GRID2: variants seen among roughly 807,000 people sequenced by gnomAD.
The protein encoded by GRID2 is glutamate receptor ionotropic, delta-2.
In GRID2, 33 loss-of-function variants were observed where a neutral mutation model predicts 114.8. The ratio of observed to expected loss-of-function variants is 0.29; its 90% CI spans 0.22 to 0.38. The LOEUF is 0.38. Ranked by LOEUF, GRID2 falls within the 10% of genes least tolerant of loss-of-function variation. The pLI, the probability that GRID2 is intolerant of heterozygous loss-of-function variation, is 1.00. For synonymous variants in GRID2, 505 were observed against 449.9 expected, an observed-to-expected ratio of 1.12 and a Z score of -1.55; for missense variants, 1,184 against 1,257.7, an observed-to-expected ratio of 0.94 and a Z score of 0.89.
intron 2 of GRID2, among the ~76,000 whole-genome samples, chr4:92,997,224 C>T (rs1158353701): frequency 2.0e-5 from 3 of 152,094 alleles, no homozygotes; most frequent in Admixed American, 2.0e-4. Context: ...TGTGAAAGAG[C>T]TAGTGTGTTA....
intron 1 of GRID2, among the ~76,000 whole-genome samples, chr4:92,512,125 T>G (rs2149132478): frequency 6.6e-6 from 1 of 151,992 alleles, no homozygotes; most frequent in East Asian, 1.9e-4. Context: ...TCATGTAGTA[T>G]TTGTCCTTTG....
intron 2 of GRID2, among the ~76,000 whole-genome samples, chr4:92,803,603 G>T (rs1456929871): frequency 6.6e-6 from 1 of 151,804 alleles, no homozygotes; most frequent in Non-Finnish European, 1.5e-5. Context: ...TTTTCTGTGT[G>T]TTTATAGAAT....
In GRID2 at chr4:93,472,689, T is replaced by G. The variant is rs28505855; in HGVS notation, c.1858+16715T>G. Among the ~76,000 whole-genome samples, 174 of 152,156 alleles carry G rather than the reference T, an allele frequency of 1.1e-3. 1 individual carries two copies. Among genetic ancestry groups the G allele is most frequent in the Admixed American group, 1.8e-3 (28 of 15,272 alleles). On this transcript the variant is annotated intron_variant, in intron 11 of 15. Transcript: ENST00000282020. Reference sequence around the variant, plus strand: ...CTAGAGAAAATGTTAGGGGCCAGATTGCAGACATGCTCAGGTAGAACACAA... The same window carrying G: ...CTAGAGAAAATGTTAGGGGCCAGATGGCAGACATGCTCAGGTAGAACACAA...
intron 4 of GRID2, among the ~76,000 whole-genome samples, chr4:93,200,022 T>G (rs954202054): frequency 1.3e-5 from 2 of 152,178 alleles, no homozygotes; most frequent in African/African-American, 4.8e-5. Flanking sequence ...GGTTGGTGTT[T>G]GTTTGTTTAG....
intron 1 of GRID2, among the ~76,000 whole-genome samples, chr4:92,355,879 C>T (rs1276180302): frequency 6.6e-6 from 1 of 151,652 alleles, no homozygotes; most frequent in East Asian, 1.9e-4. Flanking sequence ...CTCATTCAGC[C>T]CTATAGCCAT....
At chr4:92,825,234 A>C (rs1741604841) in intron 2 of GRID2, among the ~76,000 whole-genome samples, 1 of 152,102 alleles carries the variant, frequency 6.6e-6, no homozygotes, top group Non-Finnish European at 1.5e-5. Context: ...AATTACAATA[A>C]AAAATCATCC....
intron 2 of GRID2, among the ~76,000 whole-genome samples, chr4:93,030,538 C>G (rs1001123724): frequency 6.6e-6 from 1 of 152,052 alleles, no homozygotes; most frequent in Non-Finnish European, 1.5e-5. Context: ...GCATGCACCA[C>G]CACGCCCAGC....
chr4:92,843,506 A>G (rs1436259855), intron 2 of GRID2, among the ~76,000 whole-genome samples: 1 of 152,160 alleles, frequency 6.6e-6, no homozygotes, highest in Non-Finnish European at 1.5e-5. Flanking sequence ...AAATGGTAAT[A>G]TTAAATTATA....
In GRID2 at chr4:93,684,674, A is replaced by G. The variant is rs533210143; in HGVS notation, c.2360+58239A>G. On this transcript the variant is annotated intron_variant, in intron 14 of 15. Coordinates refer to ENST00000282020, the MANE Select transcript of GRID2 (RefSeq NM_001510.4). Reference sequence around the variant, plus strand: ...AGGGGATGCTGGCTAAACCAGCCTTACAGGATTCTTGCCACAAACAGGCCA... The same window carrying G: ...AGGGGATGCTGGCTAAACCAGCCTTGCAGGATTCTTGCCACAAACAGGCCA... 2.6e-5 allele frequency among the ~76,000 whole-genome samples: 4 copies of G among 152,196 alleles called. No homozygotes were observed. The East Asian group carries it at 5.8e-4, about 22-fold the overall frequency.
At chr4:92,626,014 A>G (rs922853640) in intron 2 of GRID2, among the ~76,000 whole-genome samples, 1 of 151,990 alleles carries the variant, frequency 6.6e-6, no homozygotes, top group Non-Finnish European at 1.5e-5. Context: ...AGGGAAGTCT[A>G]GATATCCTAA....
chr4:93,032,130 A>C (rs1724498023), intron 2 of GRID2, among the ~76,000 whole-genome samples: 1 of 152,162 alleles, frequency 6.6e-6, no homozygotes, highest in Non-Finnish European at 1.5e-5. Flanking sequence ...CATAGCTCAC[A>C]AGTCTTGTCA....
intron 8 of GRID2, among the ~76,000 whole-genome samples, chr4:93,267,954 T>G (rs1272003079): frequency 6.6e-6 from 1 of 152,116 alleles, no homozygotes; most frequent in Non-Finnish European, 1.5e-5. Flanking sequence ...ATCTGGGGTG[T>G]GGTAGGGTCA....
At chr4:92,814,686 T>C (rs1740802045) in intron 2 of GRID2, among the ~76,000 whole-genome samples, 1 of 152,138 alleles carries the variant, frequency 6.6e-6, no homozygotes, top group African/African-American at 2.4e-5. Flanking sequence ...TGGAAAATGC[T>C]ATCCACAAGG....
chr4:93,154,640 A>T (rs1737011993), intron 4 of GRID2, among the ~76,000 whole-genome samples: 2 of 152,028 alleles, frequency 1.3e-5, no homozygotes, highest in African/African-American at 4.8e-5. Context: ...TCTTAAAAGT[A>T]TCTGATTGAA....
At chr4:92,959,503 G>T (rs1433799156) in intron 2 of GRID2, among the ~76,000 whole-genome samples, 4 of 151,534 alleles carry the variant, frequency 2.6e-5, no homozygotes, top group Non-Finnish European at 5.9e-5. Context: ...TCCCACTGTT[G>T]GGTATAAACC....
At chr4:93,735,580 T>G (rs1286056642) in intron 14 of GRID2, among the ~76,000 whole-genome samples, 1 of 152,044 alleles carries the variant, frequency 6.6e-6, no homozygotes, top group Non-Finnish European at 1.5e-5. Context: ...TAACTCTGGT[T>G]CTTTACAAAA....
intron 1 of GRID2, among the ~76,000 whole-genome samples, chr4:92,496,614 T>A (rs1723400828): frequency 6.6e-6 from 1 of 151,836 alleles, no homozygotes; most frequent in South Asian, 2.1e-4. Context: ...CAACCATGTT[T>A]ATTTATGTTA....
intron 1 of GRID2, among the ~76,000 whole-genome samples, chr4:92,421,490 G>A (rs908248056): frequency 2.0e-5 from 3 of 152,096 alleles, no homozygotes; most frequent in Non-Finnish European, 2.9e-5. Flanking sequence ...GCTGAAGTGG[G>A]ACTGCAAATG....
At chr4:92,998,062 T>C (rs1276155328) in intron 2 of GRID2, among the ~76,000 whole-genome samples, 1 of 152,056 alleles carries the variant, frequency 6.6e-6, no homozygotes, top group Non-Finnish European at 1.5e-5. Flanking sequence ...TTGATTCATA[T>C]ACTCCCCTGA....
Sources: allele counts gnomAD v4.1 joint callset (sites outside exome capture counted in the v4.1 genomes callset), GRCh38; gene constraint gnomAD v4.1.1; transcripts MANE v1.5; gene names NCBI Gene and HGNC (gene_info 2026-07-23, HGNC 2026-07-21).